SLITRK5: variants seen among roughly 807,000 people sequenced by gnomAD.
SLITRK5 encodes the protein SLIT and NTRK-like protein 5.
A neutral mutation model predicts 56.2 loss-of-function variants in SLITRK5; 23 were observed. The ratio of observed to expected loss-of-function variants is 0.41; its 90% CI spans 0.29 to 0.58. The LOEUF is 0.58. Among genes scored for constraint, SLITRK5 ranks in the 20% least tolerant of loss-of-function variants. SLITRK5 has a pLI of 0.30. For missense variants in SLITRK5, 1,289 were observed against 1,226.6 expected (o/e 1.05, Z -0.76); for synonymous variants, 637 against 531.8 (o/e 1.20, Z -2.72).
At position 87,675,392 on chromosome 13, in the gene SLITRK5, C is replaced by T. The variant is rs1877226419; in HGVS notation, c.4C>T (p.His2Tyr). 5 of 1,612,894 alleles carry T rather than the reference C, an allele frequency of 3.1e-6. No homozygotes were observed. Among genetic ancestry groups the T allele is most frequent in the Non-Finnish European group, 3.4e-6 (4 of 1,179,088 alleles). The change falls in exon 2 of 2, where the codon CAC becomes TAC. Residue 2 changes from histidine (H) to tyrosine (Y), a missense_variant. His to Tyr is a moderately conservative substitution (Grantham distance 83). This residue lies in a region of SLITRK5 where 291 missense variants were observed against 286.7 expected (regional missense o/e 1.02). Coordinates refer to ENST00000683689, the MANE Select transcript of SLITRK5 (RefSeq NM_001384609.1). ...TCTCTCCCTTACAGGAGGTAAAATG[C>T]ACACTTGCTGCCCCCCAGTAACTTT... The part of the protein sequence containing the change: M[H>Y]TCCPPVTLEQ...
Position 87,676,744 on chromosome 13 carries a change from T to C in SLITRK5, c.1356T>C (p.Ala452=). 6.2e-7 allele frequency: 1 copy of C among 1,614,096 alleles called. No homozygotes were observed. The highest frequency in any genetic ancestry group is 1.6e-4 in the Middle Eastern group (1 of 6,062). ...NNRISMIQDR[A]FGDLTNLRRL... Reference sequence around the variant, plus strand: ...GCATCTCGATGATCCAGGACCGCGCTTTCGGGGATCTCACCAACCTGAGGC... The same window carrying C: ...GCATCTCGATGATCCAGGACCGCGCCTTCGGGGATCTCACCAACCTGAGGC... Residue 452 remains alanine (A), a synonymous_variant, in exon 2 of 2, where the codon GCT becomes GCC. Transcript: ENST00000683689.
At position 87,677,946 on chromosome 13, in the gene SLITRK5, G is replaced by T. The variant is rs1354377577; in HGVS notation, c.2558G>T (p.Arg853Leu). 2 of 1,613,742 alleles carry T rather than the reference G, an allele frequency of 1.2e-6. No homozygotes were observed. The highest frequency in any genetic ancestry group is 2.7e-5 in the African/African-American group (2 of 74,928). The change falls in exon 2 of 2, where the codon CGC becomes CTC. Residue 853 changes from arginine to leucine, a missense_variant. Arg to Leu is a moderately radical substitution (Grantham distance 102, BLOSUM62 -2). Transcript: ENST00000683689. This position sits in a 1 kb window ranked among gnomAD's most constrained non-coding sequence, Gnocchi z 4.7. ...DLLSPVQDAD[R>L]FYRGILEPDK... Reference sequence around the variant, plus strand: ...CTGTCGCCGGTGCAGGACGCCGACCGCTTTTACAGGGGCATTTTAGAACCA... The same window carrying T: ...CTGTCGCCGGTGCAGGACGCCGACCTCTTTTACAGGGGCATTTTAGAACCA...
chr13:87,674,501 G>A (rs1877185136), intron 1 of SLITRK5: 1 of 573,076 alleles, frequency 1.7e-6, no homozygotes, highest in Non-Finnish European at 2.2e-6. Context: ...GGTATTCGGA[G>A]ATTGCGGATA....
chr13:87,676,229 C>A lies in SLITRK5; in HGVS notation c.841C>A (p.Gln281Lys), dbSNP rs1264883934. ...AAGGGACTTGGACGAGGTATCCAAG[C>A]AGGAACTTTGCCCAAGGAGACTTAT... ...HGRDLDEVSK[Q>K]ELCPRRLISD... The change falls in exon 2 of 2, where the codon CAG (glutamine) becomes AAG (lysine). Residue 281 changes from glutamine (Q) to lysine (K), a missense_variant. Transcript: ENST00000683689. 1 of 1,614,132 alleles carries A rather than the reference C, an allele frequency of 6.2e-7. No homozygotes were observed. The highest frequency in any genetic ancestry group is 8.5e-7 in the Non-Finnish European group (1 of 1,180,036).
rs1877380885 is a variant in SLITRK5, at chr13:87,678,124, G to C, written c.2736G>C (p.Arg912=). The C allele has an allele frequency of 6.2e-7, 1 of 1,614,246 alleles. No individual in the cohort carries two copies. The highest frequency in any genetic ancestry group is 8.5e-7 in the Non-Finnish European group (1 of 1,180,052). Residue 912 remains arginine (R), a synonymous_variant, in exon 2 of 2, where the codon CGG becomes CGC. Coordinates refer to ENST00000683689, the MANE Select transcript of SLITRK5 (RefSeq NM_001384609.1). Reference sequence around the variant, plus strand: ...CGGGGGCAGGGGACAGCAGGCTACGGGAACCGGTGCTCTACAGCCCCCCGA... The same window carrying C: ...CGGGGGCAGGGGACAGCAGGCTACGCGAACCGGTGCTCTACAGCCCCCCGA... The part of the protein sequence containing the change: ...LHPGAGDSRL[R]EPVLYSPPSA...
Position 87,671,896 on chromosome 13 carries a change from C to G in SLITRK5, c.-322C>G, listed in dbSNP as rs1377681380. On this transcript the variant is annotated 5_prime_UTR_variant, in exon 1 of 2. Transcript: ENST00000683689. Reference sequence around the variant, plus strand: ...AGGACAGCGCAGGAGCTGCAGCCGCCGCCTTCGCTGGAGCAGCCGAGGGGC... The same window carrying G: ...AGGACAGCGCAGGAGCTGCAGCCGCGGCCTTCGCTGGAGCAGCCGAGGGGC... Among the ~76,000 whole-genome samples, 1 of 152,120 alleles carries G rather than the reference C, an allele frequency of 6.6e-6. No individual in the cohort carries two copies. The highest frequency in any genetic ancestry group is 2.4e-5 in the African/African-American group (1 of 41,434).
intron 1 of SLITRK5, chr13:87,673,360 T>G: frequency 2.8e-6 from 1 of 361,950 alleles, no homozygotes; most frequent in Admixed American, 3.6e-5. Context: ...GGGAAGGGAG[T>G]GGGTTGAGAG....
At position 87,675,397 on chromosome 13, in the gene SLITRK5, T is replaced by C; in HGVS notation, c.9T>C (p.Thr3=). MH[T]CCPPVTLEQD... Reference sequence around the variant, plus strand: ...CCCTTACAGGAGGTAAAATGCACACTTGCTGCCCCCCAGTAACTTTGGAAC... The same window carrying C: ...CCCTTACAGGAGGTAAAATGCACACCTGCTGCCCCCCAGTAACTTTGGAAC... The change falls in exon 2 of 2, where the codon ACT becomes ACC. Residue 3 remains threonine, a synonymous_variant. Transcript: ENST00000683689. 6.2e-7 allele frequency: 1 copy of C among 1,613,654 alleles called. No homozygotes were observed. The highest frequency in any genetic ancestry group is 8.5e-7 in the Non-Finnish European group (1 of 1,179,574).
rs1012833765 is a variant in SLITRK5, at chr13:87,679,485, C to T, written c.*1220C>T. On this transcript the variant is annotated 3_prime_UTR_variant, in exon 2 of 2. Coordinates refer to ENST00000683689, the MANE Select transcript of SLITRK5 (RefSeq NM_001384609.1). ...TATACAATGTCTTTATCCCTGTGGGCAGCAAGCAATGATGATAATGACAAA... is the reference window on the plus strand; with the variant it reads ...TATACAATGTCTTTATCCCTGTGGGTAGCAAGCAATGATGATAATGACAAA... 1 of 166,856 alleles carries T rather than the reference C, an allele frequency of 6.0e-6. No homozygotes were observed. Among genetic ancestry groups the T allele is most frequent in the Non-Finnish European group, 1.5e-5 (1 of 68,076 alleles). The allele number at this position is 166,856 out of a possible 1,614,324, so 10.3% of individuals were successfully genotyped here. A position where few individuals can be genotyped will look rare whatever the true frequency, so the allele number is the denominator to read the frequency against.
chr13:87,672,822 C>A (rs970700212), intron 1 of SLITRK5: 6 of 150,466 alleles, frequency 4.0e-5, no homozygotes, highest in Non-Finnish European at 8.5e-5. Flanking sequence ...AGATGTGAGA[C>A]TGGGTAAGTC....
At position 87,677,830 on chromosome 13, in the gene SLITRK5, G is replaced by A. The variant is rs75906868; in HGVS notation, c.2442G>A (p.Gln814=). The change falls in exon 2 of 2, where the codon CAG becomes CAA. Residue 814 remains glutamine (Q), a synonymous_variant. Coordinates refer to ENST00000683689, the MANE Select transcript of SLITRK5 (RefSeq NM_001384609.1). This position sits in a 1 kb window ranked among gnomAD's most constrained non-coding sequence, Gnocchi z 4.7. ...AGCAGCAGCCCCCGCCGCAGCTGCAGCTGCAGCCCGGGGAGGAGGAGAGGC... is the reference window on the plus strand; with the variant it reads ...AGCAGCAGCCCCCGCCGCAGCTGCAACTGCAGCCCGGGGAGGAGGAGAGGC... ...QPQQQPPPQL[Q]LQPGEEERRE... 0.012 allele frequency: 18,775 copies of A among 1,611,748 alleles called. 133 individuals are homozygous for A. Among genetic ancestry groups the A allele is most frequent in the Non-Finnish European group, 0.014 (16,100 of 1,178,806 alleles).
rs1446314243 is a variant in SLITRK5, at chr13:87,672,108, G to C, written c.-110G>C. Among the ~76,000 whole-genome samples, 7 of 152,048 alleles carry C rather than the reference G, an allele frequency of 4.6e-5. No homozygotes were observed. Among genetic ancestry groups the C allele is most frequent in the Admixed American group, 2.0e-4 (3 of 15,286 alleles). On this transcript the variant is annotated 5_prime_UTR_variant, in exon 1 of 2. Coordinates refer to ENST00000683689, the MANE Select transcript of SLITRK5 (RefSeq NM_001384609.1). ...CCGAGGGGGGAGGGGAGGGCCGGCC[G>C]GCGCGAACCCAGGCCGGAGGGTGCG...
At position 87,677,825 on chromosome 13, in the gene SLITRK5, C is replaced by A. The variant is rs764865341; in HGVS notation, c.2437C>A (p.Leu813Met). The change falls in exon 2 of 2, where the codon CTG becomes ATG. Residue 813 changes from leucine to methionine, a missense_variant. By Grantham distance (15) the Leu-to-Met change is conservative. Coordinates refer to ENST00000683689, the MANE Select transcript of SLITRK5 (RefSeq NM_001384609.1). This position sits in a 1 kb window ranked among gnomAD's most constrained non-coding sequence, Gnocchi z 4.7. ...GCCACAGCAGCAGCCCCCGCCGCAG[C>A]TGCAGCTGCAGCCCGGGGAGGAGGA... is the stretch of plus-strand genomic sequence containing the variant. ...QQPQQQPPPQ[L>M]QLQPGEEERR... 4.2e-5 allele frequency: 67 copies of A among 1,611,480 alleles called. No individual in the cohort carries two copies. Among genetic ancestry groups the A allele is most frequent in the Non-Finnish European group, 5.3e-5 (62 of 1,178,696 alleles).
intron 1 of SLITRK5, chr13:87,673,486 G>T: frequency 9.4e-7 from 1 of 1,059,064 alleles, no homozygotes; most frequent in Non-Finnish European, 1.3e-6. Context: ...GTGAATGGGG[G>T]CGGGGAAGCA....
chr13:87,675,601 C>T lies in SLITRK5; in HGVS notation c.213C>T (p.Ile71=). Residue 71 remains isoleucine, a synonymous_variant, in exon 2 of 2, where the codon ATC becomes ATT. Coordinates refer to ENST00000683689, the MANE Select transcript of SLITRK5 (RefSeq NM_001384609.1). ...LTVSCENRGI[I]SLSEISPPRF... Reference sequence around the variant, plus strand: ...TGAGCTGTGAAAACCGGGGGATCATCAGTCTCTCTGAAATTAGCCCTCCCC... The same window carrying T: ...TGAGCTGTGAAAACCGGGGGATCATTAGTCTCTCTGAAATTAGCCCTCCCC... The T allele has an allele frequency of 6.2e-7, 1 of 1,614,162 alleles. No homozygotes were observed. Among genetic ancestry groups the T allele is most frequent in the Non-Finnish European group, 8.5e-7 (1 of 1,180,012 alleles).
At chr13:87,672,856 T>A (rs1361829030) in intron 1 of SLITRK5, 4 of 16,878 alleles carry the variant, frequency 2.4e-4, no homozygotes, top group African/African-American at 9.5e-4. Context: ...GCAAAAGAGG[T>A]GTGTGTGTGT....
chr13:87,678,478 C>T lies in SLITRK5; in HGVS notation c.*213C>T. The T allele has an allele frequency of 5.1e-6, 3 of 583,446 alleles. No individual in the cohort carries two copies. Among genetic ancestry groups the T allele is most frequent in the Non-Finnish European group, 9.3e-6 (3 of 323,986 alleles). 36.1% of individuals were successfully genotyped at this position (583,446 alleles called of 1,614,324 possible). ...ACATTTGTGTAAACTGGGCACATCA[C>T]TTTCTCTTCTTGCGTGTGGGGCAGG... On this transcript the variant is annotated 3_prime_UTR_variant, in exon 2 of 2. Coordinates refer to ENST00000683689, the MANE Select transcript of SLITRK5 (RefSeq NM_001384609.1).
Position 87,676,321 on chromosome 13 carries a change from G to A in SLITRK5, c.933G>A (p.Ala311=), listed in dbSNP as rs148634438. The A allele has an allele frequency of 2.3e-3, 3,762 of 1,614,074 alleles. 5 individuals are homozygous for A. The highest frequency in any genetic ancestry group is 2.7e-3 in the Non-Finnish European group (3,219 of 1,180,016). The change falls in exon 2 of 2, where the codon GCG becomes GCA. Residue 311 remains alanine (A), a synonymous_variant. Transcript: ENST00000683689. ...STTGYLHTTP[A]SVNSVATSSS... ...CGGGGTATTTACACACCACCCCGGC[G>A]TCAGTGAATTCTGTGGCCACTTCTT...
In SLITRK5 at chr13:87,671,716, A is replaced by G. The variant is rs1309855349; in HGVS notation, c.-502A>G. On this transcript the variant is annotated 5_prime_UTR_variant, in exon 1 of 2. Transcript: ENST00000683689. ...TGCGCCGCATCTGGGGAAGGGATAC[A>G]GAAAAAAACCCTGCAAACACCGTGA... Among the ~76,000 whole-genome samples, 5 of 151,948 alleles carry G rather than the reference A, an allele frequency of 3.3e-5. No homozygotes were observed. The highest frequency in any genetic ancestry group is 4.1e-4 in the South Asian group (2 of 4,824).
Sources: gnomAD v4.1 joint callset for allele counts (sites outside exome capture counted in the v4.1 genomes callset) on GRCh38, gnomAD v4.1.1 for gene constraint, gnomAD v4.1.1 regional missense constraint, Gnocchi (gnomAD v3.1) non-coding constraint, MANE v1.5 for transcripts, NCBI Gene and HGNC (gene_info 2026-07-23, HGNC 2026-07-21) for gene names.